The following ANO7 variants were observed in gnomAD, a reference collection of about 807,000 sequenced individuals.
ANO7 encodes anoctamin 7, also known as anoctamin-7.
In ANO7, 114 loss-of-function variants were observed where a neutral mutation model predicts 115.8. The observed-to-expected ratio is 0.98, with a 90% CI of 0.85 to 1.15. The LOEUF is 1.15. Ranked by LOEUF, ANO7 falls within the 50% of genes most tolerant of loss-of-function variation. ANO7 has a pLI of 0.00. For synonymous variants in ANO7, 550 were observed against 498.2 expected (o/e 1.10, Z -1.38); for missense variants, 1,302 against 1,201.2 (o/e 1.08, Z -1.24).
chr2:241,238,532 CAT>C, the ANO7 span: 2 of 825,778 alleles, frequency 2.4e-6, no homozygotes, highest in Non-Finnish European at 3.6e-6. The surrounding 1 kb of genome is among the most constrained non-coding windows in gnomAD (Gnocchi z 4.9). Context: ...CCCCAGAATA[CAT>C]AGATGGTTTT....
chr2:241,215,543 G>A lies in ANO7; in HGVS notation c.1827-550G>A, dbSNP rs12611662. ...ATAGCAGTTGGGAGATGGTGGCCAT[G>A]CCACATCCCGAGAGATGGCCCTGCC... is the stretch of plus-strand genomic sequence containing the variant. On this transcript the variant is annotated intron_variant, in intron 18 of 24. Transcript: ENST00000674324. Among the ~76,000 whole-genome samples the A allele has an allele frequency of 7.0e-3, 1,073 of 152,382 alleles. 33 individuals carry two copies. Among genetic ancestry groups the A allele is most frequent in the South Asian group, 0.067 (325 of 4,830 alleles).
At chr2:241,236,670 A>G in the ANO7 span, 1 of 1,613,932 alleles carries the variant, frequency 6.2e-7, no homozygotes, top group Non-Finnish European at 8.5e-7. Flanking sequence ...GATGATGATG[A>G]TGTCACACCT....
Position 241,207,652 on chromosome 2 carries a change from C to T in ANO7, c.1059C>T (p.Ser353=), listed in dbSNP as rs140168050. 6.3e-5 allele frequency: 101 copies of T among 1,613,648 alleles called. 1 individual carries two copies. In the South Asian group the frequency reaches 7.8e-4, roughly 12 times the overall value. Reference sequence around the variant, plus strand: ...ACTGCCCTTTCTGGCTGCTCTCCAGCGCCTGTGCCCTGGCCCAGGTACGAG... The same window carrying T: ...ACTGCCCTTTCTGGCTGCTCTCCAGTGCCTGTGCCCTGGCCCAGGTACGAG... ...CLDCPFWLLS[S]ACALAQAGRL... The change falls in exon 11 of 25, where the codon AGC becomes AGT. Residue 353 remains serine, a synonymous_variant. Transcript: ENST00000674324.
At chr2:241,194,061 G>T (rs1359967057) in intron 3 of ANO7, among the ~76,000 whole-genome samples, 1 of 151,892 alleles carries the variant, frequency 6.6e-6, no homozygotes, top group Non-Finnish European at 1.5e-5. Flanking sequence ...TTTTAGTAGA[G>T]ACAGGGTTTC....
intron 17 of ANO7, among the ~76,000 whole-genome samples, chr2:241,213,867 TGA>T (rs1280052460): frequency 6.6e-6 from 1 of 152,168 alleles, no homozygotes; most frequent in Non-Finnish European, 1.5e-5. Context: ...CCATTTCATG[TGA>T]GAGGGGAAAG....
Position 241,202,258 on chromosome 2 carries a change from AGCT to A in ANO7, c.682_684del (p.Leu228del). On this transcript the variant is annotated inframe_deletion, in exon 8 of 25. Coordinates refer to ENST00000674324, the MANE Select transcript of ANO7 (RefSeq NM_001370694.2). ...AAGAAAAACCTGCTTGGGATCCACC[AGCT>A]GCTGGCAGAGGGTGTCCTCAGTGCC... 1.9e-6 allele frequency: 3 copies of A among 1,613,624 alleles called. No homozygotes were observed. Among genetic ancestry groups the A allele is most frequent in the Non-Finnish European group, 2.5e-6 (3 of 1,179,956 alleles).
rs1701690447 is a variant in ANO7 at position 241,224,208 on chromosome 2, G to A, written c.*55G>A. ...GGGAGTGGCCCCTCCTGAGCCCTGC[G>A]AGCAGCGTCCTTTTCCTCTTCCCTC... On this transcript the variant is annotated 3_prime_UTR_variant, in exon 25 of 25. Coordinates refer to ENST00000674324, the MANE Select transcript of ANO7 (RefSeq NM_001370694.2). The A allele has an allele frequency of 3.1e-6, 5 of 1,591,558 alleles. No individual in the cohort carries two copies. Among genetic ancestry groups the A allele is most frequent in the Admixed American group, 1.7e-5 (1 of 59,452 alleles).
At chr2:241,223,345 G>A (rs745868201) in intron 22 of ANO7, 69 bp downstream of exon 22, 11 of 1,552,834 alleles carry the variant, frequency 7.1e-6, no homozygotes, top group East Asian at 2.2e-5. Context: ...TGCCTAATTC[G>A]AGCACGTGGT....
intron 8 of ANO7, among the ~76,000 whole-genome samples, chr2:241,202,693 T>C (rs2068500191): frequency 1.3e-5 from 2 of 152,236 alleles, no homozygotes; most frequent in African/African-American, 2.4e-5. Flanking sequence ...CAGCTGCCGC[T>C]GCACCTGTTC....
At chr2:241,204,470 G>C (rs1026011712) in intron 9 of ANO7, among the ~76,000 whole-genome samples, 2 of 152,132 alleles carry the variant, frequency 1.3e-5, no homozygotes, top group African/African-American at 4.8e-5. Context: ...ATGACTCGTG[G>C]TTTCCCTGGG....
chr2:241,216,023 C>G, intron 18 of ANO7, 70 bp from the exon 19 acceptor site: 4 of 1,528,364 alleles, frequency 2.6e-6, no homozygotes, highest in Non-Finnish European at 3.5e-6. Flanking sequence ...CCACATCTCC[C>G]CCAAGGACTA....
At chr2:241,201,480 G>C in intron 7 of ANO7, 125 bp downstream of exon 7, 1 of 1,083,520 alleles carries the variant, frequency 9.2e-7, no homozygotes, top group Non-Finnish European at 1.3e-6. Context: ...CTGGAGCCCG[G>C]AGGCTTTGGA....
rs991511410 is a variant in ANO7 at position 241,225,728 on chromosome 2, C to G, written c.*1575C>G. 6.6e-6 allele frequency among the ~76,000 whole-genome samples: 1 copy of G among 152,214 alleles called. No homozygotes were observed. Among genetic ancestry groups the G allele is most frequent in the Non-Finnish European group, 1.5e-5 (1 of 68,054 alleles). On this transcript the variant is annotated 3_prime_UTR_variant, in exon 25 of 25. Coordinates refer to ENST00000674324, the MANE Select transcript of ANO7 (RefSeq NM_001370694.2). ...CTTGTTCACCTGCCTCTTAGGAGCA[C>G]TGTGCCCTGCCTCCATGGAAGGGCT...
intron 21 of ANO7, among the ~76,000 whole-genome samples, chr2:241,220,294 C>G (rs1019771785): frequency 9.9e-5 from 15 of 152,154 alleles, no homozygotes; most frequent in Admixed American, 9.2e-4. Flanking sequence ...CATTTTTGTC[C>G]TTCAAATAGC....
chr2:241,190,312 C>G (rs1303541780), intron 2 of ANO7, 141 bp downstream of exon 2: 4 of 684,094 alleles, frequency 5.8e-6, no homozygotes, highest in Non-Finnish European at 1.0e-5. Context: ...CCCCCAAGCC[C>G]TCGCCACCCA....
At chr2:241,239,941 C>A in the ANO7 span, 2 of 1,614,196 alleles carry the variant, frequency 1.2e-6, no homozygotes, top group African/African-American at 2.7e-5. The surrounding 1 kb of genome is among the most constrained non-coding windows in gnomAD (Gnocchi z 4.6). Flanking sequence ...CTGTGCCTCT[C>A]GGACGGCGTC....
the ANO7 span, among the ~76,000 whole-genome samples, chr2:241,239,351 CCT>C: frequency 1.3e-5 from 2 of 152,076 alleles, no homozygotes; most frequent in Admixed American, 1.3e-4. This position sits in a 1 kb window ranked among gnomAD's most constrained non-coding sequence, Gnocchi z 4.6. Context: ...CTCTCTCTCC[CCT>C]CTCCTCTTCT....
intron 5 of ANO7, 98 bp downstream of exon 5, chr2:241,199,521 C>A: frequency 1.7e-6 from 2 of 1,192,394 alleles, no homozygotes; most frequent in Non-Finnish European, 2.4e-6. Context: ...GGGCTCCCTG[C>A]TCAGAGGCCT....
chr2:241,205,921 C>T (rs2068582270), intron 10 of ANO7, among the ~76,000 whole-genome samples: 1 of 40,108 alleles, frequency 2.5e-5, no homozygotes, highest in Non-Finnish European at 4.7e-5. Flanking sequence ...CCCAGGCTGA[C>T]ATAGGTGGAC....
Sources: gnomAD v4.1 joint callset for allele counts (sites outside exome capture counted in the v4.1 genomes callset) on GRCh38, gnomAD v4.1.1 for gene constraint, Gnocchi (gnomAD v3.1) non-coding constraint, MANE v1.5 for transcripts, NCBI Gene and HGNC (gene_info 2026-07-23, HGNC 2026-07-21) for gene names.